The following QPCTL variants were observed in gnomAD, a reference collection of about 807,000 sequenced individuals.
The protein encoded by QPCTL is glutaminyl-peptide cyclotransferase-like protein.
Under a neutral mutation model 34.6 loss-of-function variants are expected in QPCTL, and 31 were observed. The ratio of observed to expected loss-of-function variants is 0.90; its 90% CI spans 0.67 to 1.21. The LOEUF is 1.21. Ranked by LOEUF, QPCTL falls within the 50% of genes most tolerant of loss-of-function variation. QPCTL has a pLI of 0.00. For synonymous variants in QPCTL, 223 were observed against 226.9 expected, an observed-to-expected ratio of 0.98 and a Z score of 0.15; for missense variants, 474 against 507.8, an observed-to-expected ratio of 0.93 and a Z score of 0.64.
At chr19:45,695,082 C>A (rs1187019417) in intron 2 of QPCTL, among the ~76,000 whole-genome samples, 1 of 151,770 alleles carries the variant, frequency 6.6e-6, no homozygotes, top group African/African-American at 2.4e-5. Flanking sequence ...GTCAGGAGTT[C>A]GAATACCAGG....
Position 45,703,015 on chromosome 19 carries a change from TC to T in QPCTL, c.1116del (p.Ala373LeufsTer16). On this transcript the variant is annotated frameshift_variant, in exon 7 of 7. Coordinates refer to ENST00000012049, the MANE Select transcript of QPCTL (RefSeq NM_017659.4). LOFTEE classifies it high-confidence loss of function. ...ACGGTACACAACTTGTGCCGCATTC[TC>T]GCTGTGTTCCTGGCTGAATACCTGG... Reference protein sequence around the residue: ...PPTVHNLCRILAVFLAEYLGL With the variant: ...PPTVHNLCRIXAVFLAEYLGL The T allele has an allele frequency of 3.1e-6, 5 of 1,614,136 alleles. No individual in the cohort carries two copies. Among genetic ancestry groups the T allele is most frequent in the Non-Finnish European group, 4.2e-6 (5 of 1,180,026 alleles).
Position 45,695,448 on chromosome 19 carries a change from C to T in QPCTL, c.363C>T (p.Ala121=), listed in dbSNP as rs1346046780. ...TCTCTTGCCGCTAGTTCCTGGAGGCCACGCTGCGGTCCCTGACAGCAGGTT... is the reference window on the plus strand; with the variant it reads ...TCTCTTGCCGCTAGTTCCTGGAGGCTACGCTGCGGTCCCTGACAGCAGGTT... ...GNLQVRKFLE[A]TLRSLTAGWH... The change falls in exon 3 of 7, where the codon GCC becomes GCT. Residue 121 remains alanine (A), a synonymous_variant. Coordinates refer to ENST00000012049, the MANE Select transcript of QPCTL (RefSeq NM_017659.4). 1 of 1,611,354 alleles carries T rather than the reference C, an allele frequency of 6.2e-7. No individual in the cohort carries two copies. The highest frequency in any genetic ancestry group is 1.1e-5 in the South Asian group (1 of 90,996).
At chr19:45,694,660 G>A (rs910385335) in intron 2 of QPCTL, among the ~76,000 whole-genome samples, 4 of 151,712 alleles carry the variant, frequency 2.6e-5, no homozygotes, top group East Asian at 2.0e-4. Context: ...TTAGTGAGAC[G>A]GGGTTTCACC....
chr19:45,700,172 C>T (rs914899523), intron 5 of QPCTL, among the ~76,000 whole-genome samples: 14 of 151,758 alleles, frequency 9.2e-5, no homozygotes, highest in South Asian at 6.3e-4. Flanking sequence ...CTTGGCTGGG[C>T]GCAATGGTTC....
Position 45,695,737 on chromosome 19 carries a change from G to A in QPCTL, c.633+19G>A. ...AAAACAGGTGAGGAGCAGGAGTCGG[G>A]GAGGGTAGTGGGCTACCTCCACCTT... On this transcript the variant is annotated intron_variant, in intron 3 of 6. Coordinates refer to ENST00000012049, the MANE Select transcript of QPCTL (RefSeq NM_017659.4). 6.4e-7 allele frequency: 1 copy of A among 1,571,220 alleles called. No individual in the cohort carries two copies. The highest frequency in any genetic ancestry group is 1.1e-5 in the South Asian group (1 of 87,780).
At position 45,698,914 on chromosome 19, in the gene QPCTL, C is replaced by T. The variant is rs2287019; in HGVS notation, c.886+14C>T. On this transcript the variant is annotated intron_variant, in intron 5 of 6. Transcript: ENST00000012049. ...TGAGGAGCATTGGTAAGGGTGAATG[C>T]GGAGGTGGGCCCCAGCCCACCTGGG... 290,408 of 1,609,272 alleles carry T rather than the reference C, an allele frequency of 0.18. 27,140 individuals are homozygous for T. The highest frequency in any genetic ancestry group is 0.2 in the East Asian group (9,036 of 44,758).
Position 45,703,228 on chromosome 19 carries a change from C to T in QPCTL, c.*179C>T, listed in dbSNP as rs1967843593. 1 of 818,310 alleles carries T rather than the reference C, an allele frequency of 1.2e-6. No homozygotes were observed. Among genetic ancestry groups the T allele is most frequent in the East Asian group, 2.7e-5 (1 of 36,662 alleles). The allele number at this position is 818,310 out of a possible 1,614,324, so 50.7% of individuals were successfully genotyped here. A position where few individuals can be genotyped will look rare whatever the true frequency, so the allele number is the denominator to read the frequency against. ...TTGATTGTCTCAAGCTGCCACCCTT[C>T]AAGGACAGGGAAGAGACCACTGTGG... On this transcript the variant is annotated 3_prime_UTR_variant, in exon 7 of 7. Coordinates refer to ENST00000012049, the MANE Select transcript of QPCTL (RefSeq NM_017659.4).
intron 5 of QPCTL, among the ~76,000 whole-genome samples, chr19:45,699,710 C>T (rs1967773372): frequency 1.3e-5 from 2 of 151,936 alleles, no homozygotes; most frequent in South Asian, 2.1e-4. Context: ...GCGGGTGGAT[C>T]ACCTGAGGTT....
At chr19:45,693,597 C>A in intron 2 of QPCTL, 41 bp downstream of exon 2, 1 of 1,547,864 alleles carries the variant, frequency 6.5e-7, no homozygotes. Flanking sequence ...CCTAGCCCTC[C>A]AGGGAATGGG....
intron 5 of QPCTL, among the ~76,000 whole-genome samples, chr19:45,701,093 A>G (rs563113830): frequency 6.8e-6 from 1 of 147,576 alleles, no homozygotes; most frequent in South Asian, 2.2e-4. Flanking sequence ...ACACAGGAAG[A>G]TCCCATTTCT....
intron 6 of QPCTL, 51 bp downstream of exon 6, chr19:45,701,965 T>G (rs370884030): frequency 1.4e-6 from 2 of 1,475,914 alleles, no homozygotes; most frequent in Non-Finnish European, 1.9e-6. Context: ...AAGCCACAAA[T>G]TGGAACTGGC....
At chr19:45,698,511 G>A in intron 3 of QPCTL, 36 bp from the exon 4 acceptor site, 1 of 1,612,094 alleles carries the variant, frequency 6.2e-7, no homozygotes, top group Non-Finnish European at 8.5e-7. Flanking sequence ...GGCTAGTCCT[G>A]AGCTGGCTCT....
chr19:45,698,963 T>TG, intron 5 of QPCTL, 63 bp downstream of exon 5: 2 of 1,474,552 alleles, frequency 1.4e-6, no homozygotes, highest in Middle Eastern at 1.8e-4. Flanking sequence ...GGCGGTGGGC[T>TG]GGGGTAGGAC....
chr19:45,692,892 G>A lies in QPCTL; in HGVS notation c.189G>A (p.Pro63=), dbSNP rs1364772430. 1 of 1,543,020 alleles carries A rather than the reference G, an allele frequency of 6.5e-7. No homozygotes were observed. The highest frequency in any genetic ancestry group is 1.4e-5 in the African/African-American group (1 of 73,230). ...SGWHRRTEEL[P]LGRELRVPLI... is the part of the protein sequence containing the mutation. The stretch of plus-strand genomic sequence containing the variant: ...GGCACCGCAGGACTGAGGAGCTGCC[G>A]CTGGGCCGGGAGCTGCGGGTGAGGC... The change falls in exon 1 of 7, where the codon CCG becomes CCA. Residue 63 remains proline (P), a synonymous_variant. Coordinates refer to ENST00000012049, the MANE Select transcript of QPCTL (RefSeq NM_017659.4).
In QPCTL at chr19:45,692,837, G is replaced by A; in HGVS notation, c.134G>A (p.Gly45Asp). Reference protein sequence around the residue: ...LLPLLLALAVGSAFYTIWSGW... With the variant: ...LLPLLLALAVDSAFYTIWSGW... ...CCTCTGTTGCTGGCGCTGGCCGTGG[G>A]CTCGGCGTTCTACACCATTTGGAGC... The change falls in exon 1 of 7, where the codon GGC becomes GAC. Residue 45 changes from glycine (G) to aspartate (D), a missense_variant. Transcript: ENST00000012049. 1.3e-6 allele frequency: 2 copies of A among 1,562,228 alleles called. No homozygotes were observed. The highest frequency in any genetic ancestry group is 1.7e-6 in the Non-Finnish European group (2 of 1,153,558).
Position 45,692,783 on chromosome 19 carries a change from G to T in QPCTL, c.80G>T (p.Arg27Leu). The change falls in exon 1 of 7, where the codon CGC becomes CTC. Residue 27 changes from arginine to leucine, a missense_variant. Arg to Leu is a moderately radical substitution (Grantham distance 102). Coordinates refer to ENST00000012049, the MANE Select transcript of QPCTL (RefSeq NM_017659.4). ...GLMEPLLPPKRRLLPRVRLLP... is the reference protein window; with the variant it reads ...GLMEPLLPPKLRLLPRVRLLP... ...ATGGAGCCACTCTTGCCGCCGAAGC[G>T]CCGCCTGCTACCGCGGGTTCGGCTC... 1 of 1,587,008 alleles carries T rather than the reference G, an allele frequency of 6.3e-7. No homozygotes were observed. The highest frequency in any genetic ancestry group is 8.6e-7 in the Non-Finnish European group (1 of 1,166,672).
intron 1 of QPCTL, among the ~76,000 whole-genome samples, chr19:45,693,126 G>A (rs940747077): frequency 6.6e-6 from 1 of 152,126 alleles, no homozygotes; most frequent in African/African-American, 2.4e-5. Context: ...AAGACGGGGG[G>A]GTTCAGGGTT....
intron 1 of QPCTL, 87 bp from the exon 2 acceptor site, chr19:45,693,326 C>T: frequency 1.4e-6 from 2 of 1,462,442 alleles, no homozygotes; most frequent in East Asian, 2.3e-5. Flanking sequence ...GAACCCGGGG[C>T]TCCTCGCGGG....
intron 2 of QPCTL, among the ~76,000 whole-genome samples, chr19:45,694,311 G>A (rs763704776): frequency 2.0e-4 from 30 of 151,802 alleles, no homozygotes; most frequent in African/African-American, 6.5e-4. Flanking sequence ...CCCAGGAGGC[G>A]GAGACTGCAG....
Sources: allele counts gnomAD v4.1 joint callset (sites outside exome capture counted in the v4.1 genomes callset), GRCh38; gene constraint gnomAD v4.1.1; transcripts MANE v1.5; gene names NCBI Gene and HGNC (gene_info 2026-07-23, HGNC 2026-07-21).